The following GRIK4 variants were observed in gnomAD, a reference collection of about 807,000 sequenced individuals.
GRIK4 encodes glutamate ionotropic receptor kainate type subunit 4.
In GRIK4, 40 loss-of-function variants were observed where a neutral mutation model predicts 104.9. The ratio of observed to expected loss-of-function variants is 0.38; its 90% CI spans 0.30 to 0.50. The LOEUF (loss-of-function observed/expected upper bound fraction) is 0.50. Among genes scored for constraint, GRIK4 ranks in the 20% least tolerant of loss-of-function variants. The pLI, the probability that GRIK4 is intolerant of heterozygous loss-of-function variation, is 0.93. For missense variants in GRIK4, 1,047 were observed against 1,308.1 expected (o/e 0.80, Z 3.08); for synonymous variants, 485 against 524.9 (o/e 0.92, Z 1.04).
chr11:120,532,928 A>G (rs17123988), intron 1 of GRIK4, among the ~76,000 whole-genome samples: 4,853 of 152,246 alleles, frequency 0.032, 154 homozygotes, highest in African/African-American at 0.08. Context: ...TCATCCGTCT[A>G]TTCACCAGGC....
At chr11:120,922,706 T>C (rs1394880982) in intron 13 of GRIK4, among the ~76,000 whole-genome samples, 1 of 152,214 alleles carries the variant, frequency 6.6e-6, no homozygotes, top group Non-Finnish European at 1.5e-5. Context: ...TTTGTCAGCG[T>C]GAGAGCCAGG....
chr11:120,706,754 T>C (rs1256899538), intron 3 of GRIK4, among the ~76,000 whole-genome samples: 4 of 152,184 alleles, frequency 2.6e-5, no homozygotes, highest in Admixed American at 2.6e-4. Context: ...AAGACCAAGC[T>C]GTGAGTAGGG....
intron 13 of GRIK4, among the ~76,000 whole-genome samples, chr11:120,907,294 A>C (rs1277057836): frequency 6.6e-6 from 1 of 152,100 alleles, no homozygotes; most frequent in African/African-American, 2.4e-5. Flanking sequence ...TGGTAGGGTG[A>C]CTTCAGAGAC....
intron 13 of GRIK4, among the ~76,000 whole-genome samples, chr11:120,911,629 G>A (rs1255628984): frequency 6.7e-6 from 1 of 149,126 alleles, no homozygotes; most frequent in Non-Finnish European, 1.5e-5. Flanking sequence ...ATCACCTGAG[G>A]TCAGGAGTTC....
intron 1 of GRIK4, among the ~76,000 whole-genome samples, chr11:120,650,151 C>T (rs1294490521): frequency 1.3e-5 from 2 of 152,226 alleles, no homozygotes; most frequent in Non-Finnish European, 2.9e-5. Context: ...CTGCCTACCT[C>T]CCTTTCAGTG....
intron 8 of GRIK4, among the ~76,000 whole-genome samples, chr11:120,838,795 C>CT (rs1169975814): frequency 2.0e-5 from 3 of 151,626 alleles, no homozygotes; most frequent in Non-Finnish European, 2.9e-5. Flanking sequence ...TTTGTTTTTG[C>CT]TTTTTTTGAG....
At chr11:120,799,683 A>G (rs1006459913) in intron 3 of GRIK4, among the ~76,000 whole-genome samples, 4 of 152,168 alleles carry the variant, frequency 2.6e-5, no homozygotes, top group African/African-American at 9.7e-5. Context: ...GCAGAGATTA[A>G]GTGAGATAGA....
At chr11:120,702,895 G>A (rs937344689) in intron 3 of GRIK4, among the ~76,000 whole-genome samples, 3 of 152,182 alleles carry the variant, frequency 2.0e-5, no homozygotes, top group African/African-American at 7.2e-5. Context: ...AAAGAAAAAA[G>A]GAAGTTACCA....
intron 1 of GRIK4, among the ~76,000 whole-genome samples, chr11:120,610,805 G>T (rs1949027360): frequency 6.6e-6 from 1 of 152,132 alleles, no homozygotes; most frequent in African/African-American, 2.4e-5. Context: ...CCCTAGGGAG[G>T]TCCCCCTCCC....
At chr11:120,861,259 C>G (rs1954257290) in intron 8 of GRIK4, among the ~76,000 whole-genome samples, 2 of 151,946 alleles carry the variant, frequency 1.3e-5, no homozygotes, top group Admixed American at 1.3e-4. Flanking sequence ...CAGGAATGCA[C>G]CACCACATCC....
At chr11:120,647,616 G>T (rs1324272729) in intron 1 of GRIK4, among the ~76,000 whole-genome samples, 1 of 152,212 alleles carries the variant, frequency 6.6e-6, no homozygotes, top group Non-Finnish European at 1.5e-5. Context: ...TACCTGGAAG[G>T]TCTCTCCCCA....
intron 13 of GRIK4, among the ~76,000 whole-genome samples, chr11:120,906,776 G>C (rs751281886): frequency 2.6e-5 from 4 of 152,228 alleles, no homozygotes; most frequent in Non-Finnish European, 5.9e-5. Flanking sequence ...GAGTTTGCCT[G>C]ACGGAACATG....
intron 1 of GRIK4, among the ~76,000 whole-genome samples, chr11:120,551,389 C>T (rs1288921418): frequency 6.6e-6 from 1 of 152,162 alleles, no homozygotes; most frequent in Non-Finnish European, 1.5e-5. Flanking sequence ...CGCCCTCATA[C>T]CCAGGAGGAA....
intron 1 of GRIK4, among the ~76,000 whole-genome samples, chr11:120,537,246 A>G (rs1209724760): frequency 2.6e-5 from 4 of 152,242 alleles, no homozygotes; most frequent in South Asian, 2.1e-4. Context: ...TGTCTCTTCC[A>G]TGGTTGCATC....
rs534949302 is a variant in GRIK4 at position 120,655,081 on chromosome 11, G to A, written c.-51+1289G>A. ...CGTCTGTTTATTTATTCATTCAGCC[G>A]ATATTATTGGAGCACCTACTATGTG... On this transcript the variant is annotated intron_variant, in intron 2 of 20. Transcript: ENST00000527524. Among the ~76,000 whole-genome samples the A allele has an allele frequency of 8.4e-4, 128 of 152,102 alleles. 1 individual carries two copies. The highest frequency in any genetic ancestry group is 8.0e-3 in the Admixed American group (122 of 15,278).
intron 8 of GRIK4, among the ~76,000 whole-genome samples, chr11:120,837,412 A>G (rs1424891692): frequency 6.6e-6 from 1 of 152,198 alleles, no homozygotes; most frequent in Non-Finnish European, 1.5e-5. Flanking sequence ...CAGGCTTGTC[A>G]GGAAGCCGTT....
At chr11:120,796,847 C>A (rs558578432) in intron 3 of GRIK4, among the ~76,000 whole-genome samples, 2 of 130,072 alleles carry the variant, frequency 1.5e-5, no homozygotes, top group Admixed American at 1.5e-4. Context: ...CTCTCGGGGT[C>A]GCCACGGCCA....
rs145268338 is a variant in GRIK4 at position 120,624,280 on chromosome 11, C to T, written c.-158-29405C>T. Among the ~76,000 whole-genome samples the T allele has an allele frequency of 2.0e-3, 304 of 152,168 alleles. 2 individuals are homozygous for T. The highest frequency in any genetic ancestry group is 3.2e-3 in the Non-Finnish European group (215 of 67,972). On this transcript the variant is annotated intron_variant, in intron 1 of 20. Coordinates refer to ENST00000527524, the MANE Select transcript of GRIK4 (RefSeq NM_014619.5). Reference sequence around the variant, plus strand: ...GCCACCCCAATAGAGAGCTCAAGAGCGGACTGTCTAGGCCTTGCTGGACCT... The same window carrying T: ...GCCACCCCAATAGAGAGCTCAAGAGTGGACTGTCTAGGCCTTGCTGGACCT...
intron 1 of GRIK4, among the ~76,000 whole-genome samples, chr11:120,530,207 T>C (rs1285131880): frequency 6.6e-6 from 1 of 152,190 alleles, no homozygotes; most frequent in African/African-American, 2.4e-5. Flanking sequence ...GTGCAAACAG[T>C]GTATTAGTAT....
Sources: allele counts gnomAD v4.1 joint callset (sites outside exome capture counted in the v4.1 genomes callset), GRCh38; gene constraint gnomAD v4.1.1; transcripts MANE v1.5; gene names NCBI Gene and HGNC (gene_info 2026-07-23, HGNC 2026-07-21).